RORA: variants seen among roughly 807,000 people sequenced by gnomAD.
The protein encoded by RORA is nuclear receptor ROR-alpha.
Under a neutral mutation model 69.5 loss-of-function variants are expected in RORA, and 7 were observed. The observed-to-expected ratio is 0.10, with a 90% CI of 0.06 to 0.19. The LOEUF (loss-of-function observed/expected upper bound fraction) is 0.19, where lower values mean the gene tolerates loss of function less well. RORA is among the 10% of genes least tolerant of loss of function. The probability of loss-of-function intolerance (pLI) is 1.00; values close to 1 mark genes in which losing one functional copy is unlikely to be tolerated. For missense variants in RORA, 457 were observed against 663.0 expected (o/e 0.69, Z 3.41); for synonymous variants, 261 against 240.8 (o/e 1.08, Z -0.78).
At chr15:60,911,561 T>C (rs578234589) in intron 1 of RORA, among the ~76,000 whole-genome samples, 336 of 152,316 alleles carry the variant, frequency 2.2e-3, no homozygotes, top group Middle Eastern at 3.4e-3. Context: ...TTAAAAATCA[T>C]TCTAGAATGA....
At chr15:60,757,689 C>G (rs2071822761) in intron 1 of RORA, among the ~76,000 whole-genome samples, 1 of 152,162 alleles carries the variant, frequency 6.6e-6, no homozygotes, top group Admixed American at 6.6e-5. Context: ...TAAAATAGTG[C>G]CTGGCACATA....
chr15:60,747,323 C>T (rs1337445778), intron 1 of RORA, among the ~76,000 whole-genome samples: 1 of 152,114 alleles, frequency 6.6e-6, no homozygotes, highest in African/African-American at 2.4e-5. Flanking sequence ...TATCCACCAG[C>T]TTCAAGGGAG....
chr15:60,500,285 G>A (rs1021961014), intron 9 of RORA, among the ~76,000 whole-genome samples: 5 of 152,146 alleles, frequency 3.3e-5, no homozygotes, highest in African/African-American at 9.7e-5. Context: ...ACTCATATGA[G>A]TGCAAATGAA....
At position 61,131,586 on chromosome 15, in the gene RORA, A is replaced by T. The variant is rs923070689; in HGVS notation, c.166+97467T>A. ...ATCTAGTTACTCATGCTATAGAAGT[A>T]ATAATGTTATTAATAGAACATGTGC... On this transcript the variant is annotated intron_variant, in intron 1 of 10. Coordinates refer to ENST00000335670, the MANE Select transcript of RORA (RefSeq NM_134261.3). This position sits in a 1 kb window ranked among gnomAD's most constrained non-coding sequence, Gnocchi z 4.2. 6.6e-6 allele frequency among the ~76,000 whole-genome samples: 1 copy of T among 152,228 alleles called. No individual in the cohort carries two copies. The highest frequency in any genetic ancestry group is 6.5e-5 in the Admixed American group (1 of 15,288).
chr15:60,565,274 C>T (rs943833360), intron 2 of RORA, among the ~76,000 whole-genome samples: 2 of 152,028 alleles, frequency 1.3e-5, no homozygotes, highest in African/African-American at 4.8e-5. Context: ...GTTGCTTTTT[C>T]TTGCAACTAG....
chr15:60,612,603 C>T (rs1014805266), intron 2 of RORA, among the ~76,000 whole-genome samples: 4 of 150,678 alleles, frequency 2.7e-5, no homozygotes, highest in Non-Finnish European at 4.4e-5. Flanking sequence ...TGCTGTCATA[C>T]GGAAGCTGAA....
chr15:61,168,091 G>C (rs1162339499), intron 1 of RORA, among the ~76,000 whole-genome samples: 2 of 151,320 alleles, frequency 1.3e-5, no homozygotes, highest in East Asian at 3.9e-4. Flanking sequence ...GTTTCCTGTA[G>C]AAAACTTGTA....
At chr15:60,988,395 C>A (rs1212530511) in intron 1 of RORA, among the ~76,000 whole-genome samples, 1 of 152,200 alleles carries the variant, frequency 6.6e-6, no homozygotes, top group African/African-American at 2.4e-5. Context: ...AGACTGCTCA[C>A]CTCGTAGGTC....
At chr15:60,704,974 G>A (rs978304248) in intron 1 of RORA, among the ~76,000 whole-genome samples, 5 of 152,150 alleles carry the variant, frequency 3.3e-5, no homozygotes, top group African/African-American at 1.2e-4. Flanking sequence ...GAGCTTCCAC[G>A]TGTGACTGCC....
chr15:61,146,257 A>G (rs990828930), intron 1 of RORA, among the ~76,000 whole-genome samples: 2 of 152,092 alleles, frequency 1.3e-5, no homozygotes, highest in African/African-American at 4.8e-5. Flanking sequence ...CTTCGCCCAG[A>G]CCCTTCAATA....
chr15:61,139,061 A>G (rs1460335024), intron 1 of RORA, among the ~76,000 whole-genome samples: 5 of 151,956 alleles, frequency 3.3e-5, no homozygotes, highest in South Asian at 2.1e-4. Flanking sequence ...GGAGAACGGC[A>G]CGAACCCAGG....
At chr15:60,699,466 T>C (rs2070951856) in intron 1 of RORA, among the ~76,000 whole-genome samples, 1 of 152,196 alleles carries the variant, frequency 6.6e-6, no homozygotes, top group African/African-American at 2.4e-5. Context: ...TCACTGTGTC[T>C]GTTGTGTCAG....
chr15:61,036,665 C>T lies in RORA; in HGVS notation c.166+192388G>A, dbSNP rs1336612474. 3.3e-5 allele frequency among the ~76,000 whole-genome samples: 5 copies of T among 152,092 alleles called. No individual in the cohort carries two copies. In the East Asian group the frequency reaches 9.7e-4, roughly 29 times the overall value. On this transcript the variant is annotated intron_variant, in intron 1 of 10. Coordinates refer to ENST00000335670, the MANE Select transcript of RORA (RefSeq NM_134261.3). ...TCTCTCTAAAAATGTTTTCATGTTA[C>T]CGCTTCCAGGTCTTTCTAAAGTTAG... is the stretch of plus-strand genomic sequence containing the variant.
At chr15:61,011,629 A>C (rs560434158) in intron 1 of RORA, among the ~76,000 whole-genome samples, 1 of 152,332 alleles carries the variant, frequency 6.6e-6, no homozygotes, top group Non-Finnish European at 1.5e-5. Context: ...TTAAAAAAAA[A>C]AGGAACATAA....
intron 1 of RORA, among the ~76,000 whole-genome samples, chr15:60,955,564 T>C (rs1027262125): frequency 2.0e-5 from 3 of 152,230 alleles, no homozygotes; most frequent in African/African-American, 7.2e-5. Flanking sequence ...ACAAATATTT[T>C]TCAAAAGATG....
intron 1 of RORA, among the ~76,000 whole-genome samples, chr15:60,990,156 C>T (rs1268586599): frequency 1.3e-5 from 2 of 152,126 alleles, no homozygotes; most frequent in Non-Finnish European, 2.9e-5. Flanking sequence ...TCAAATATAA[C>T]TTTTATTTTT....
At chr15:60,787,309 T>G (rs1306584327) in intron 1 of RORA, among the ~76,000 whole-genome samples, 2 of 152,112 alleles carry the variant, frequency 1.3e-5, no homozygotes, top group African/African-American at 2.4e-5. Flanking sequence ...AATGCAACAG[T>G]CCCTTTCTTG....
intron 1 of RORA, among the ~76,000 whole-genome samples, chr15:61,009,507 T>A (rs1263885491): frequency 6.6e-6 from 1 of 152,212 alleles, no homozygotes; most frequent in South Asian, 2.1e-4. Context: ...TAGAAAGACA[T>A]GGGGCATAGA....
At chr15:60,990,549 C>T (rs1041351844) in intron 1 of RORA, among the ~76,000 whole-genome samples, 1 of 152,184 alleles carries the variant, frequency 6.6e-6, no homozygotes, top group Non-Finnish European at 1.5e-5. Flanking sequence ...ATACCTTTAT[C>T]ATGAATATTC....
Sources: allele counts gnomAD v4.1 joint callset (sites outside exome capture counted in the v4.1 genomes callset), GRCh38; gene constraint gnomAD v4.1.1; non-coding constraint Gnocchi (gnomAD v3.1); transcripts MANE v1.5; gene names NCBI Gene and HGNC (gene_info 2026-07-23, HGNC 2026-07-21).